MYRIP: variants seen among roughly 807,000 people sequenced by gnomAD.
The protein encoded by MYRIP is rab effector MyRIP.
In MYRIP, 49 loss-of-function variants were observed where a neutral mutation model predicts 98.0. The observed-to-expected ratio is 0.50, with a 90% confidence interval of 0.40 to 0.63. The LOEUF (loss-of-function observed/expected upper bound fraction) is 0.63, where lower values mean the gene tolerates loss of function less well. MYRIP is among the 30% of genes least tolerant of loss of function. MYRIP has a pLI of 0.00. For synonymous variants in MYRIP, 404 were observed against 409.5 expected (o/e 0.99, Z 0.16); for missense variants, 1,004 against 1,058.2 (o/e 0.95, Z 0.71).
At chr3:39,968,580 G>A (rs181093740) in intron 2 of MYRIP, among the ~76,000 whole-genome samples, 3 of 152,280 alleles carry the variant, frequency 2.0e-5, no homozygotes, top group East Asian at 1.9e-4. Context: ...ATTGAATAGA[G>A]AGTCTTTTCC....
At chr3:40,166,824 C>G in intron 5 of MYRIP, 22 bp from the exon 6 acceptor site, 1 of 1,512,518 alleles carries the variant, frequency 6.6e-7, no homozygotes, top group Non-Finnish European at 9.2e-7. Context: ...TAGAAATGCT[C>G]TTTGTTCTGT....
intron 11 of MYRIP, among the ~76,000 whole-genome samples, chr3:40,228,205 G>A (rs1331040681): frequency 1.3e-5 from 2 of 152,172 alleles, no homozygotes; most frequent in African/African-American, 4.8e-5. Flanking sequence ...TTTTCACAGA[G>A]GGGCTCCAGA....
intron 2 of MYRIP, among the ~76,000 whole-genome samples, chr3:39,979,655 C>CAAAAAAAAAAAAAAAAAA (rs56328162): frequency 7.6e-6 from 1 of 131,136 alleles, no homozygotes. Flanking sequence ...CAAAACAAAA[C>CAAAAAAAAAAAAAAAAAA]AAAAAAAAAA....
chr3:39,815,057 G>T (rs376733711), intron 1 of MYRIP, among the ~76,000 whole-genome samples: 1 of 152,130 alleles, frequency 6.6e-6, no homozygotes, highest in Non-Finnish European at 1.5e-5. Context: ...TTACAATTTA[G>T]TGTTTTTAGT....
chr3:39,976,686 A>G (rs1945760879), intron 2 of MYRIP, among the ~76,000 whole-genome samples: 1 of 152,236 alleles, frequency 6.6e-6, no homozygotes, highest in South Asian at 2.1e-4. Flanking sequence ...AAAATATGGC[A>G]CATATACACC....
chr3:39,928,865 A>C (rs9880531), intron 2 of MYRIP, among the ~76,000 whole-genome samples: 56,267 of 151,706 alleles, frequency 0.37, 10,743 homozygotes, highest in East Asian at 0.46. Flanking sequence ...TAAAATGCAT[A>C]TAGTTTGGAA....
chr3:40,025,670 G>A (rs545696142), intron 2 of MYRIP, among the ~76,000 whole-genome samples: 7 of 152,254 alleles, frequency 4.6e-5, no homozygotes, highest in East Asian at 3.9e-4. Context: ...AGTGCAAAGA[G>A]AGAAATTTTA....
intron 2 of MYRIP, among the ~76,000 whole-genome samples, chr3:39,995,525 A>G (rs993591621): frequency 3.9e-5 from 6 of 152,224 alleles, no homozygotes; most frequent in Non-Finnish European, 7.3e-5. Flanking sequence ...TCCAAGAAAT[A>G]TGGGACTATG....
intron 16 of MYRIP, among the ~76,000 whole-genome samples, chr3:40,252,697 G>A (rs1575684966): frequency 6.6e-6 from 1 of 152,300 alleles, no homozygotes; most frequent in African/African-American, 2.4e-5. Context: ...GCAAAATAGT[G>A]GGAAGATGCA....
At position 40,231,237 on chromosome 3, in the gene MYRIP, C is replaced by T. The variant is rs186730910; in HGVS notation, c.1906-2622C>T. Among the ~76,000 whole-genome samples, 247 of 152,358 alleles carry T rather than the reference C, an allele frequency of 1.6e-3. 1 individual carries two copies. Among genetic ancestry groups the T allele is most frequent in the African/African-American group, 3.5e-3 (145 of 41,586 alleles). On this transcript the variant is annotated intron_variant, in intron 11 of 16. Coordinates refer to ENST00000302541, the MANE Select transcript of MYRIP (RefSeq NM_015460.4). ...TGTGGCGCTCTCCTCAGACCAGCTG[C>T]CTGGGCCTCCTCACTCTGACTTAAG...
At chr3:39,856,941 G>A (rs1227670452) in intron 1 of MYRIP, among the ~76,000 whole-genome samples, 5 of 152,138 alleles carry the variant, frequency 3.3e-5, no homozygotes, top group Admixed American at 1.3e-4. Flanking sequence ...AATGAGATGC[G>A]GTGGCTCATG....
chr3:39,944,069 G>A (rs927035770), intron 2 of MYRIP, among the ~76,000 whole-genome samples: 3 of 152,042 alleles, frequency 2.0e-5, no homozygotes, highest in African/African-American at 7.2e-5. Context: ...AGTACCATGT[G>A]GTAAACTTTG....
At chr3:39,955,267 C>T (rs1228087602) in intron 2 of MYRIP, among the ~76,000 whole-genome samples, 1 of 152,098 alleles carries the variant, frequency 6.6e-6, no homozygotes, top group Non-Finnish European at 1.5e-5. Flanking sequence ...ATGTTAGGGG[C>T]AGCCAGAGAG....
intron 1 of MYRIP, among the ~76,000 whole-genome samples, chr3:39,830,048 A>G (rs753472887): frequency 6.6e-6 from 1 of 152,032 alleles, no homozygotes; most frequent in Non-Finnish European, 1.5e-5. Context: ...CTGACAACCA[A>G]TCTTCAATTT....
At chr3:40,238,215 A>G (rs1368133970) in intron 12 of MYRIP, among the ~76,000 whole-genome samples, 2 of 152,088 alleles carry the variant, frequency 1.3e-5, no homozygotes, top group Non-Finnish European at 2.9e-5. Context: ...AACCCCATCT[A>G]TATTCTTTTG....
chr3:39,994,236 G>A (rs537999396), intron 2 of MYRIP, among the ~76,000 whole-genome samples: 5 of 152,388 alleles, frequency 3.3e-5, no homozygotes, highest in South Asian at 4.1e-4. Flanking sequence ...GAAGCAGGGC[G>A]AGGCATCGCC....
At chr3:40,140,893 C>T (rs976381826) in intron 3 of MYRIP, among the ~76,000 whole-genome samples, 11 of 152,024 alleles carry the variant, frequency 7.2e-5, no homozygotes, top group Non-Finnish European at 2.9e-5. Context: ...AGCATTTATC[C>T]TCAAAATTAG....
intron 2 of MYRIP, among the ~76,000 whole-genome samples, chr3:40,041,496 G>C (rs939592297): frequency 8.7e-5 from 13 of 150,242 alleles, no homozygotes; most frequent in African/African-American, 1.7e-4. Flanking sequence ...TAGTCATGCG[G>C]AACCATCACA....
intron 2 of MYRIP, among the ~76,000 whole-genome samples, chr3:39,968,645 A>G (rs546464220): frequency 9.9e-5 from 15 of 151,924 alleles, no homozygotes; most frequent in African/African-American, 3.4e-4. Flanking sequence ...AGGTGTACAG[A>G]CTTATTTCTG....
Sources: allele counts gnomAD v4.1 joint callset (sites outside exome capture counted in the v4.1 genomes callset), GRCh38; gene constraint gnomAD v4.1.1; transcripts MANE v1.5; gene names NCBI Gene and HGNC (gene_info 2026-07-23, HGNC 2026-07-21).